Variants in ERG observed in about 807,000 individuals in gnomAD.
The protein encoded by ERG is ETS transcription factor ERG, also known as transcriptional regulator ERG.
A neutral mutation model predicts 55.3 loss-of-function variants in ERG; 9 were observed. That is an observed-to-expected ratio of 0.16 (90% confidence interval 0.10 to 0.28). The LOEUF (loss-of-function observed/expected upper bound fraction) is 0.28. Ranked by LOEUF, ERG falls within the 10% of genes least tolerant of loss-of-function variation. The pLI, the probability that ERG is intolerant of heterozygous loss-of-function variation, is 1.00. For synonymous variants in ERG, 223 were observed against 237.3 expected, an observed-to-expected ratio of 0.94 and a Z score of 0.55; for missense variants, 434 against 631.6, an observed-to-expected ratio of 0.69 and a Z score of 3.35.
intron 1 of ERG, among the ~76,000 whole-genome samples, chr21:38,482,148 G>C (rs187688474): frequency 1.3e-3 from 192 of 152,250 alleles, no homozygotes; most frequent in Non-Finnish European, 2.2e-3. Context: ...GTACTCGGCA[G>C]CACTCATTAG....
At chr21:38,613,296 C>A (rs967525255) in intron 1 of ERG, among the ~76,000 whole-genome samples, 1 of 152,208 alleles carries the variant, frequency 6.6e-6, no homozygotes, top group Admixed American at 6.5e-5. Context: ...AAAGTTAGCA[C>A]ACGCGGCCCC....
chr21:38,518,990 G>A (rs557278653), intron 2 of ERG, among the ~76,000 whole-genome samples: 1 of 152,264 alleles, frequency 6.6e-6, no homozygotes, highest in East Asian at 1.9e-4. Context: ...GGAAGAAACT[G>A]CACAGGCAGT....
At chr21:38,579,482 T>C (rs1356501118) in intron 1 of ERG, among the ~76,000 whole-genome samples, 1 of 152,022 alleles carries the variant, frequency 6.6e-6, no homozygotes. Context: ...CGTGTGGATA[T>C]ACCTAGAGGA....
intron 2 of ERG, among the ~76,000 whole-genome samples, chr21:38,573,834 C>A (rs1038103677): frequency 6.6e-6 from 1 of 152,172 alleles, no homozygotes; most frequent in Non-Finnish European, 1.5e-5. Context: ...TCTCTCGTCC[C>A]ACCTGACTAG....
chr21:38,423,754 G>A (rs1306958377), intron 2 of ERG, among the ~76,000 whole-genome samples, 193 bp from the exon 3 acceptor site: 1 of 152,108 alleles, frequency 6.6e-6, no homozygotes, highest in African/African-American at 2.4e-5. Flanking sequence ...TTGGGATGCC[G>A]AGGTGGGCGG....
At chr21:38,497,084 A>G (rs1222075492) in intron 1 of ERG, among the ~76,000 whole-genome samples, 3 of 152,234 alleles carry the variant, frequency 2.0e-5, no homozygotes, top group African/African-American at 7.2e-5. Context: ...CTTGAAGCCA[A>G]AGAAAGAAAA....
At chr21:38,375,291 A>T (rs1436183609), downstream of ERG, among the ~76,000 whole-genome samples, 1 of 152,090 alleles carries the variant, frequency 6.6e-6, no homozygotes, top group Non-Finnish European at 1.5e-5. Flanking sequence ...TTAAAACCCG[A>T]CCTCTATGTT....
intron 1 of ERG, among the ~76,000 whole-genome samples, chr21:38,583,061 T>C (rs186719895): frequency 1.2e-3 from 190 of 152,364 alleles, no homozygotes; most frequent in African/African-American, 4.4e-3. Context: ...AGTGAAAACA[T>C]TGTAGGCAAA....
chr21:38,415,982 A>G (rs1322089852), intron 3 of ERG, among the ~76,000 whole-genome samples: 1 of 152,206 alleles, frequency 6.6e-6, no homozygotes, highest in Non-Finnish European at 1.5e-5. Flanking sequence ...CGCTAAGAGG[A>G]TTGGAAACAT....
At chr21:38,481,353 T>C (rs1384877950) in intron 1 of ERG, among the ~76,000 whole-genome samples, 3 of 152,186 alleles carry the variant, frequency 2.0e-5, no homozygotes, top group African/African-American at 7.2e-5. Context: ...GCGGACGCTG[T>C]GGAAACAATG....
intron 9 of ERG, among the ~76,000 whole-genome samples, chr21:38,387,649 A>G (rs1328152966): frequency 6.6e-6 from 1 of 152,222 alleles, no homozygotes; most frequent in Non-Finnish European, 1.5e-5. Flanking sequence ...GTTTAAGGAA[A>G]GATAACACTC....
chr21:38,568,325 GT>G (rs2059936158), intron 2 of ERG, among the ~76,000 whole-genome samples: 1 of 152,174 alleles, frequency 6.6e-6, no homozygotes, highest in East Asian at 1.9e-4. Flanking sequence ...GTGATAATAA[GT>G]CTCACTGAGT....
At chr21:38,475,702 C>T (rs1321807181) in intron 1 of ERG, among the ~76,000 whole-genome samples, 1 of 152,182 alleles carries the variant, frequency 6.6e-6, no homozygotes, top group Non-Finnish European at 1.5e-5. Flanking sequence ...TGTTCCCTAC[C>T]TTCCCTCCTA....
intron 3 of ERG, among the ~76,000 whole-genome samples, chr21:38,416,679 G>A (rs1201627341): frequency 6.6e-6 from 1 of 152,184 alleles, no homozygotes; most frequent in Admixed American, 6.5e-5. Flanking sequence ...GTATATACAT[G>A]CATTTGAGAA....
At chr21:38,500,870 G>C (rs998834236), upstream of ERG, among the ~76,000 whole-genome samples, 1 of 152,070 alleles carries the variant, frequency 6.6e-6, no homozygotes, top group Non-Finnish European at 1.5e-5. Flanking sequence ...GGTAAATTCT[G>C]TTCCAAAATT....
At chr21:38,642,485 G>A (rs1462019351) in intron 1 of ERG, among the ~76,000 whole-genome samples, 1 of 107,786 alleles carries the variant, frequency 9.3e-6, no homozygotes, top group East Asian at 2.7e-4. Context: ...CATATACACA[G>A]ACCCACTCAA....
intron 1 of ERG, among the ~76,000 whole-genome samples, chr21:38,466,424 G>A (rs1174954390): frequency 6.6e-6 from 1 of 151,028 alleles, no homozygotes; most frequent in Non-Finnish European, 1.5e-5. Flanking sequence ...CTCTTATTTA[G>A]GTAGGCACAC....
intron 1 of ERG, among the ~76,000 whole-genome samples, chr21:38,496,358 G>A (rs542224584): frequency 6.6e-6 from 1 of 152,274 alleles, no homozygotes; most frequent in Non-Finnish European, 1.5e-5. Flanking sequence ...TAATTCCAGT[G>A]GACAGCCATC....
intron 1 of ERG, among the ~76,000 whole-genome samples, chr21:38,459,472 G>A (rs755336689): frequency 2.0e-5 from 3 of 152,314 alleles, no homozygotes; most frequent in Middle Eastern, 3.4e-3. Flanking sequence ...TTTGGGGGAC[G>A]ATTTTATAGC....
Sources: allele counts gnomAD v4.1 joint callset (sites outside exome capture counted in the v4.1 genomes callset), GRCh38; gene constraint gnomAD v4.1.1; transcripts MANE v1.5; gene names NCBI Gene and HGNC (gene_info 2026-07-23, HGNC 2026-07-21).